NKAIN2: variants seen among roughly 807,000 people sequenced by gnomAD.
NKAIN2 encodes the protein sodium/potassium transporting ATPase interacting 2, also known as sodium/potassium-transporting ATPase subunit beta-1-interacting protein 2.
A neutral mutation model predicts 32.6 loss-of-function variants in NKAIN2; 14 were observed. The ratio of observed to expected loss-of-function variants is 0.43; its 90% CI spans 0.28 to 0.67. The LOEUF (loss-of-function observed/expected upper bound fraction) is 0.67, where lower values mean the gene tolerates loss of function less well. Among genes scored for constraint, NKAIN2 ranks in the 30% least tolerant of loss-of-function variants. The probability of loss-of-function intolerance (pLI) is 0.17; values close to 1 mark genes in which losing one functional copy is unlikely to be tolerated. For missense variants in NKAIN2, 198 were observed against 258.3 expected, an observed-to-expected ratio of 0.77 and a Z score of 1.60; for synonymous variants, 80 against 87.2, an observed-to-expected ratio of 0.92 and a Z score of 0.46.
chr6:124,573,255 T>C (rs970230388), intron 3 of NKAIN2, among the ~76,000 whole-genome samples: 8 of 152,222 alleles, frequency 5.3e-5, no homozygotes, highest in Admixed American at 5.2e-4. Flanking sequence ...TGTTATACAA[T>C]GTTGTTTGGA....
At chr6:124,226,388 C>G (rs997222301) in intron 1 of NKAIN2, among the ~76,000 whole-genome samples, 11 of 152,090 alleles carry the variant, frequency 7.2e-5, no homozygotes, top group Non-Finnish European at 1.5e-4. Context: ...TTAAAACAAG[C>G]TTTTCCCCTG....
intron 4 of NKAIN2, among the ~76,000 whole-genome samples, chr6:124,712,589 G>A (rs1049260014): frequency 6.2e-5 from 9 of 144,624 alleles, no homozygotes; most frequent in African/African-American, 2.1e-4. Flanking sequence ...TTCCAGGTGC[G>A]TCCGTCACCC....
chr6:124,071,900 G>A (rs1783485503), intron 1 of NKAIN2, among the ~76,000 whole-genome samples: 1 of 152,114 alleles, frequency 6.6e-6, no homozygotes, highest in Non-Finnish European at 1.5e-5. Flanking sequence ...GTTCAGCCAC[G>A]TTGAAAGCAG....
At chr6:123,860,464 G>T (rs1042223250) in intron 1 of NKAIN2, among the ~76,000 whole-genome samples, 1 of 152,124 alleles carries the variant, frequency 6.6e-6, no homozygotes, top group Non-Finnish European at 1.5e-5. Context: ...AGGCTGGAGT[G>T]CAATGGCTCT....
chr6:124,765,154 C>G (rs145709556), intron 4 of NKAIN2, among the ~76,000 whole-genome samples: 109 of 152,260 alleles, frequency 7.2e-4, no homozygotes, highest in African/African-American at 2.6e-3. Context: ...TTGGATCTCA[C>G]TGAAACATGT....
At chr6:124,193,834 G>A (rs555081696) in intron 1 of NKAIN2, among the ~76,000 whole-genome samples, 40 of 152,168 alleles carry the variant, frequency 2.6e-4, no homozygotes, top group African/African-American at 9.4e-4. Flanking sequence ...GGTCCTAGCA[G>A]AGGGGAAACC....
At chr6:124,230,894 G>C (rs1792414283) in intron 1 of NKAIN2, among the ~76,000 whole-genome samples, 1 of 152,180 alleles carries the variant, frequency 6.6e-6, no homozygotes, top group Non-Finnish European at 1.5e-5. Context: ...AGTCCCTACT[G>C]GGGCACCTCC....
At chr6:124,606,889 A>T (rs762411378) in intron 3 of NKAIN2, among the ~76,000 whole-genome samples, 3 of 152,174 alleles carry the variant, frequency 2.0e-5, no homozygotes, top group Non-Finnish European at 2.9e-5. Context: ...ATTTCAAGAA[A>T]GGACCACAAT....
intron 3 of NKAIN2, among the ~76,000 whole-genome samples, chr6:124,597,902 C>G (rs1782153484): frequency 6.6e-6 from 1 of 152,162 alleles, no homozygotes; most frequent in South Asian, 2.1e-4. Flanking sequence ...TTTGGATGAT[C>G]TTTCAGTTCT....
rs191159205 is a variant in NKAIN2, at chr6:124,087,648, G to T, written c.55-195357G>T. Reference sequence around the variant, plus strand: ...TATTGGGAACTCTGGTTTTTGTTCAGTTTTGCTGTTAATCTAAAACTGCCT... The same window carrying T: ...TATTGGGAACTCTGGTTTTTGTTCATTTTTGCTGTTAATCTAAAACTGCCT... On this transcript the variant is annotated intron_variant, in intron 1 of 6. Transcript: ENST00000368417. Among the ~76,000 whole-genome samples, 549 of 152,044 alleles carry T rather than the reference G, an allele frequency of 3.6e-3. 1 individual carries two copies. Among genetic ancestry groups the T allele is most frequent in the Non-Finnish European group, 6.2e-3 (420 of 67,914 alleles).
intron 3 of NKAIN2, among the ~76,000 whole-genome samples, chr6:124,589,658 T>A (rs1189390750): frequency 6.6e-6 from 1 of 152,154 alleles, no homozygotes; most frequent in Non-Finnish European, 1.5e-5. Flanking sequence ...TGTGTTGATA[T>A]TAATTTTGTT....
chr6:124,569,672 A>G (rs960842523), intron 3 of NKAIN2, among the ~76,000 whole-genome samples: 1 of 152,148 alleles, frequency 6.6e-6, no homozygotes, highest in Non-Finnish European at 1.5e-5. Context: ...ACCCTCTGCC[A>G]TGATTCTGAG....
chr6:123,881,549 A>T (rs937922178), intron 1 of NKAIN2, among the ~76,000 whole-genome samples: 22 of 152,188 alleles, frequency 1.4e-4, no homozygotes, highest in African/African-American at 5.1e-4. Flanking sequence ...TTCTATAAAG[A>T]TGTATTAGCC....
At chr6:124,397,678 A>AT (rs1056026736) in intron 3 of NKAIN2, among the ~76,000 whole-genome samples, 6 of 152,258 alleles carry the variant, frequency 3.9e-5, no homozygotes, top group African/African-American at 1.4e-4. Flanking sequence ...TACATTTGAA[A>AT]TTGTTTTCTC....
chr6:124,495,556 C>A (rs756859539), intron 3 of NKAIN2, among the ~76,000 whole-genome samples: 1 of 152,042 alleles, frequency 6.6e-6, no homozygotes, highest in Admixed American at 6.6e-5. Context: ...GTAGCTCCAG[C>A]GTGATGCCAA....
chr6:124,654,279 G>A (rs1254399839), intron 3 of NKAIN2, among the ~76,000 whole-genome samples: 2 of 151,972 alleles, frequency 1.3e-5, no homozygotes, highest in African/African-American at 4.8e-5. Flanking sequence ...TATGGTAAAT[G>A]TAATTATTTA....
intron 1 of NKAIN2, among the ~76,000 whole-genome samples, chr6:124,058,330 T>C (rs1383532215): frequency 6.6e-6 from 1 of 151,006 alleles, no homozygotes; most frequent in Non-Finnish European, 1.5e-5. Flanking sequence ...AAATATACAA[T>C]AATTAGAAAA....
intron 3 of NKAIN2, among the ~76,000 whole-genome samples, chr6:124,435,568 A>G (rs1194005814): frequency 6.6e-6 from 1 of 152,124 alleles, no homozygotes; most frequent in African/African-American, 2.4e-5. Flanking sequence ...CTTTAAATGC[A>G]CTTCCCACAG....
chr6:124,615,935 T>C (rs765825933), intron 3 of NKAIN2, among the ~76,000 whole-genome samples: 1 of 152,200 alleles, frequency 6.6e-6, no homozygotes, highest in Non-Finnish European at 1.5e-5. Context: ...ATTTCTCTTA[T>C]AGTTTCTACT....
Sources: allele counts gnomAD v4.1 joint callset (sites outside exome capture counted in the v4.1 genomes callset), GRCh38; gene constraint gnomAD v4.1.1; transcripts MANE v1.5; gene names NCBI Gene and HGNC (gene_info 2026-07-23, HGNC 2026-07-21).